The following ZFPM2 variants were observed in gnomAD, a reference collection of about 807,000 sequenced individuals.
ZFPM2 encodes zinc finger protein ZFPM2.
ZFPM2 carries 20 observed loss-of-function variants against 98.6 expected under a neutral mutation model. That is an observed-to-expected ratio of 0.20 (90% CI 0.14 to 0.29). ZFPM2 has a LOEUF of 0.29. ZFPM2 is among the 10% of genes least tolerant of loss of function. The pLI, the probability that ZFPM2 is intolerant of heterozygous loss-of-function variation, is 1.00. For missense variants in ZFPM2, 1,310 were observed against 1,388.6 expected (o/e 0.94, Z 0.90); for synonymous variants, 518 against 502.7 (o/e 1.03, Z -0.41).
intron 4 of ZFPM2, among the ~76,000 whole-genome samples, chr8:105,632,181 T>C (rs1586162961): frequency 6.6e-6 from 1 of 151,882 alleles, no homozygotes; most frequent in African/African-American, 2.4e-5. Flanking sequence ...TTTGTATTGT[T>C]TTGTTTGAGA....
chr8:105,406,592 T>A (rs1343916468), intron 1 of ZFPM2, among the ~76,000 whole-genome samples: 1 of 152,006 alleles, frequency 6.6e-6, no homozygotes, highest in Non-Finnish European at 1.5e-5. Flanking sequence ...AACTCAGATC[T>A]GCTTCACTTG....
At chr8:105,435,777 T>G (rs1394116393) in intron 2 of ZFPM2, among the ~76,000 whole-genome samples, 1 of 151,120 alleles carries the variant, frequency 6.6e-6, no homozygotes, top group Non-Finnish European at 1.5e-5. Context: ...ATATTGGAAG[T>G]AAAGAAGCAA....
intron 5 of ZFPM2, among the ~76,000 whole-genome samples, chr8:105,752,035 C>T (rs1812489553): frequency 6.6e-6 from 1 of 151,992 alleles, no homozygotes; most frequent in South Asian, 2.1e-4. Context: ...CTCATATTTC[C>T]AATTTTGTCT....
chr8:105,759,567 C>A (rs546604741), intron 5 of ZFPM2, among the ~76,000 whole-genome samples: 1 of 149,692 alleles, frequency 6.7e-6, no homozygotes, highest in African/African-American at 2.5e-5. Flanking sequence ...CATGGACTGT[C>A]TCTTGATAAT....
At chr8:105,359,741 T>C (rs1812821044) in intron 1 of ZFPM2, among the ~76,000 whole-genome samples, 2 of 152,298 alleles carry the variant, frequency 1.3e-5, no homozygotes, top group Admixed American at 6.5e-5. Context: ...ATATTTCAAT[T>C]GAAAAAACTA....
intron 3 of ZFPM2, among the ~76,000 whole-genome samples, chr8:105,469,001 A>T (rs1264071997): frequency 6.6e-6 from 1 of 151,584 alleles, no homozygotes; most frequent in Non-Finnish European, 1.5e-5. Flanking sequence ...TTTCTTGAAG[A>T]CCTTTCTAAA....
intron 1 of ZFPM2, among the ~76,000 whole-genome samples, chr8:105,396,970 A>C (rs1586342941): frequency 6.6e-6 from 1 of 152,332 alleles, no homozygotes; most frequent in East Asian, 1.9e-4. Flanking sequence ...GATTACATGT[A>C]AATGTTGGTG....
chr8:105,661,988 G>A (rs1817398956), intron 5 of ZFPM2, among the ~76,000 whole-genome samples: 1 of 151,772 alleles, frequency 6.6e-6, no homozygotes, highest in African/African-American at 2.4e-5. Flanking sequence ...AAAAAAAAAA[G>A]GAAGCATGAG....
At chr8:105,641,976 A>G (rs1233608232) in intron 5 of ZFPM2, among the ~76,000 whole-genome samples, 1 of 152,126 alleles carries the variant, frequency 6.6e-6, no homozygotes, top group African/African-American at 2.4e-5. Flanking sequence ...GATAAGAACT[A>G]AGAATATATC....
intron 3 of ZFPM2, among the ~76,000 whole-genome samples, chr8:105,450,721 C>T (rs1459286458): frequency 6.6e-6 from 1 of 151,626 alleles, no homozygotes; most frequent in Non-Finnish European, 1.5e-5. Flanking sequence ...TGTGTGTGCT[C>T]ACGTGTGTGT....
At chr8:105,630,524 T>A (rs1238251392) in intron 4 of ZFPM2, among the ~76,000 whole-genome samples, 1 of 152,204 alleles carries the variant, frequency 6.6e-6, no homozygotes, top group East Asian at 1.9e-4. Flanking sequence ...ATTTTTTTTC[T>A]TCTGCCTTAT....
intron 5 of ZFPM2, among the ~76,000 whole-genome samples, chr8:105,745,028 A>G (rs1381658117): frequency 2.0e-5 from 3 of 152,162 alleles, no homozygotes; most frequent in Admixed American, 6.5e-5. Flanking sequence ...AATATTATGC[A>G]CATCACAAGC....
chr8:105,692,029 T>G (rs1563523450), intron 5 of ZFPM2, among the ~76,000 whole-genome samples: 1 of 152,232 alleles, frequency 6.6e-6, no homozygotes, highest in African/African-American at 2.4e-5. Context: ...TTTTAGTAGC[T>G]ATTGATTCTG....
At chr8:105,459,613 G>A (rs182906319) in intron 3 of ZFPM2, among the ~76,000 whole-genome samples, 16 of 152,256 alleles carry the variant, frequency 1.1e-4, no homozygotes, top group Non-Finnish European at 2.2e-4. Flanking sequence ...GGTTTCTAGT[G>A]AGGCCTCTCT....
chr8:105,575,626 C>A (rs1467952433), intron 4 of ZFPM2, among the ~76,000 whole-genome samples: 1 of 152,104 alleles, frequency 6.6e-6, no homozygotes, highest in East Asian at 1.9e-4. Context: ...TGTTTTAAGT[C>A]ATTTGCTCCA....
chr8:105,388,568 C>G (rs750650761), intron 1 of ZFPM2, among the ~76,000 whole-genome samples: 3 of 152,126 alleles, frequency 2.0e-5, no homozygotes, highest in South Asian at 2.1e-4. Context: ...ATGCAGTAAG[C>G]TCCGACTACA....
chr8:105,802,880 C>A lies in ZFPM2; in HGVS notation c.2798C>A (p.Ser933Ter). The A allele has an allele frequency of 1.2e-6, 2 of 1,613,780 alleles. No homozygotes were observed. Among genetic ancestry groups the A allele is most frequent in the Non-Finnish European group, 1.7e-6 (2 of 1,179,828 alleles). ...KQPSPNGNLF[S>*]SHLATLQGLK... ...CCTTCCCCCAATGGAAACTTATTTT[C>A]ATCCCACCTAGCAACCCTGCAAGGC... The change falls in exon 8 of 8, where the codon TCA (serine) becomes TAA (stop). Residue 933 changes from serine (S) to a stop codon, truncating the protein, a stop_gained. Transcript: ENST00000407775. LOFTEE classifies it high-confidence loss of function.
At chr8:105,409,505 C>G (rs1586351905) in intron 1 of ZFPM2, among the ~76,000 whole-genome samples, 1 of 151,884 alleles carries the variant, frequency 6.6e-6, no homozygotes, top group Admixed American at 6.6e-5. Flanking sequence ...GTAAACCTAA[C>G]CTGCCACTTA....
chr8:105,462,613 A>G (rs1812722905), intron 3 of ZFPM2, among the ~76,000 whole-genome samples: 2 of 152,124 alleles, frequency 1.3e-5, no homozygotes, highest in Non-Finnish European at 2.9e-5. Flanking sequence ...GGAGTGCTAT[A>G]TATATGCTTC....
Sources: allele counts gnomAD v4.1 joint callset (sites outside exome capture counted in the v4.1 genomes callset), GRCh38; gene constraint gnomAD v4.1.1; transcripts MANE v1.5; gene names NCBI Gene and HGNC (gene_info 2026-07-23, HGNC 2026-07-21).